THSD7B: variants seen among roughly 807,000 people sequenced by gnomAD.
THSD7B encodes thrombospondin type 1 domain containing 7B.
In THSD7B, 138 loss-of-function variants were observed where a neutral mutation model predicts 213.6. The observed-to-expected ratio is 0.65, with a 90% CI of 0.56 to 0.74. The LOEUF (loss-of-function observed/expected upper bound fraction) is 0.74. Among genes scored for constraint, THSD7B ranks in the 30% least tolerant of loss-of-function variants. THSD7B has a pLI of 0.00. For synonymous variants in THSD7B, 742 were observed against 687.0 expected, an observed-to-expected ratio of 1.08 and a Z score of -1.25; for missense variants, 1,931 against 1,991.5, an observed-to-expected ratio of 0.97 and a Z score of 0.58.
At chr2:137,609,212 T>C (rs1319714669) in intron 17 of THSD7B, among the ~76,000 whole-genome samples, 1 of 151,970 alleles carries the variant, frequency 6.6e-6, no homozygotes, top group Non-Finnish European at 1.5e-5. Flanking sequence ...CCCATGAGCC[T>C]ATTAGGGGAA....
chr2:137,179,468 G>A (rs1015469850), intron 7 of THSD7B, among the ~76,000 whole-genome samples: 7 of 151,840 alleles, frequency 4.6e-5, no homozygotes, highest in African/African-American at 1.5e-4. Context: ...TTATGACAGA[G>A]TAATTTATAC....
At chr2:137,090,170 A>G (rs1223677253) in intron 3 of THSD7B, among the ~76,000 whole-genome samples, 1 of 152,084 alleles carries the variant, frequency 6.6e-6, no homozygotes, top group African/African-American at 2.4e-5. Flanking sequence ...TATACATATG[A>G]AAGTATAAAA....
intron 1 of THSD7B, among the ~76,000 whole-genome samples, chr2:136,871,421 CA>C (rs1236454382): frequency 2.6e-5 from 4 of 151,948 alleles, no homozygotes; most frequent in Non-Finnish European, 5.9e-5. Flanking sequence ...AAAGACATAC[CA>C]GAAATGGAGG....
intron 12 of THSD7B, among the ~76,000 whole-genome samples, chr2:137,288,609 G>A (rs907604725): frequency 6.6e-6 from 1 of 151,978 alleles, no homozygotes; most frequent in Non-Finnish European, 1.5e-5. Context: ...CTAACTTTAT[G>A]TACAGAGCAC....
intron 20 of THSD7B, among the ~76,000 whole-genome samples, chr2:137,622,482 G>A (rs1278048926): frequency 1.3e-5 from 2 of 152,170 alleles, no homozygotes; most frequent in African/African-American, 4.8e-5. Context: ...GATCAGAGCA[G>A]AAGTGAAGGA....
chr2:137,021,410 A>G (rs2104843630), intron 2 of THSD7B, among the ~76,000 whole-genome samples: 1 of 152,322 alleles, frequency 6.6e-6, no homozygotes, highest in East Asian at 1.9e-4. Context: ...CCATTACCTG[A>G]ACAGTGTGCA....
intron 15 of THSD7B, among the ~76,000 whole-genome samples, chr2:137,519,552 T>G (rs1680140201): frequency 6.6e-6 from 1 of 152,192 alleles, no homozygotes; most frequent in African/African-American, 2.4e-5. Context: ...CACTTCTTAC[T>G]GGTTTTCATT....
rs1296055237 is a variant in THSD7B, at chr2:136,890,421, CT to C, written c.139+8106del. Among the ~76,000 whole-genome samples, 22 of 2,596 alleles carry C rather than the reference CT, an allele frequency of 8.5e-3. 1 individual carries two copies. The highest frequency in any genetic ancestry group is 0.25 in the East Asian group (2 of 8). 1.7% of individuals were successfully genotyped at this position (2,596 alleles called of 152,430 possible). A position where few individuals can be genotyped will look rare whatever the true frequency, so the allele number is the denominator to read the frequency against. ...TCTTCCTCTTCCTCTTCTTCTTCTT[CT>C]TCTTCTTCTTCTTCTTCTTCTTCTT... On this transcript the variant is annotated intron_variant, in intron 2 of 27. Transcript: ENST00000409968.
At chr2:137,657,680 G>A (rs1215509510) in intron 24 of THSD7B, among the ~76,000 whole-genome samples, 3 of 152,214 alleles carry the variant, frequency 2.0e-5, no homozygotes, top group African/African-American at 4.8e-5. Context: ...AATATTTTGT[G>A]AGTCATGATT....
In THSD7B at chr2:136,913,287, G is replaced by A. The variant is rs183302833; in HGVS notation, c.139+30970G>A. On this transcript the variant is annotated intron_variant, in intron 2 of 27. Coordinates refer to ENST00000409968, the MANE Select transcript of THSD7B (RefSeq NM_001316349.2). ...TTTGTAAGGAACAAAGCATTCAAGAGGTGACTTGGGTACTGTTAAAGACAT... is the reference window on the plus strand; with the variant it reads ...TTTGTAAGGAACAAAGCATTCAAGAAGTGACTTGGGTACTGTTAAAGACAT... 1.5e-3 allele frequency among the ~76,000 whole-genome samples: 234 copies of A among 152,316 alleles called. 3 individuals are homozygous for A. The highest frequency in any genetic ancestry group is 3.4e-3 in the Middle Eastern group (1 of 294).
chr2:137,034,847 C>T (rs1052591969), intron 2 of THSD7B, among the ~76,000 whole-genome samples: 14 of 152,082 alleles, frequency 9.2e-5, no homozygotes, highest in Admixed American at 5.9e-4. Context: ...AATTGATGGG[C>T]GTTTGGGTTG....
At chr2:137,463,860 T>C (rs775693166) in intron 15 of THSD7B, among the ~76,000 whole-genome samples, 11 of 152,084 alleles carry the variant, frequency 7.2e-5, no homozygotes, top group Non-Finnish European at 1.3e-4. Context: ...TTTTGCACTT[T>C]ATGTCAAAAA....
chr2:137,614,751 C>G (rs1682351825), intron 17 of THSD7B, among the ~76,000 whole-genome samples: 5 of 152,034 alleles, frequency 3.3e-5, no homozygotes, highest in Admixed American at 3.3e-4. Flanking sequence ...GATCCAAGTA[C>G]AAAATCACAT....
At chr2:137,626,542 G>T (rs1177479699) in intron 20 of THSD7B, among the ~76,000 whole-genome samples, 2 of 151,546 alleles carry the variant, frequency 1.3e-5, no homozygotes, top group African/African-American at 4.9e-5. Flanking sequence ...TTACCACCTG[G>T]CTCTCTTTTA....
chr2:137,599,558 C>G (rs1682035749), intron 17 of THSD7B, among the ~76,000 whole-genome samples: 1 of 151,368 alleles, frequency 6.6e-6, no homozygotes, highest in African/African-American at 2.4e-5. Flanking sequence ...CTAGTTCAAC[C>G]ATTGTGGAAG....
chr2:136,903,184 T>C (rs1684091005), intron 2 of THSD7B, among the ~76,000 whole-genome samples: 1 of 152,120 alleles, frequency 6.6e-6, no homozygotes, highest in Non-Finnish European at 1.5e-5. Context: ...AATATGAAAT[T>C]AGATAATATA....
At chr2:137,477,654 C>T (rs1433663835) in intron 15 of THSD7B, among the ~76,000 whole-genome samples, 1 of 151,600 alleles carries the variant, frequency 6.6e-6, no homozygotes, top group Non-Finnish European at 1.5e-5. Flanking sequence ...ATAGTGATAA[C>T]ATTTGAGTTC....
At chr2:137,040,521 G>A (rs1360194327) in intron 2 of THSD7B, among the ~76,000 whole-genome samples, 2 of 151,804 alleles carry the variant, frequency 1.3e-5, no homozygotes, top group African/African-American at 2.4e-5. Flanking sequence ...AGCCTCCCGA[G>A]TAGCTGGGAT....
intron 2 of THSD7B, among the ~76,000 whole-genome samples, chr2:136,927,169 C>A (rs772003724): frequency 5.3e-5 from 8 of 151,316 alleles, no homozygotes; most frequent in Non-Finnish European, 8.8e-5. Flanking sequence ...AAGTGCATTT[C>A]TCTTCTTGCC....
Sources: allele counts gnomAD v4.1 joint callset (sites outside exome capture counted in the v4.1 genomes callset), GRCh38; gene constraint gnomAD v4.1.1; transcripts MANE v1.5; gene names NCBI Gene and HGNC (gene_info 2026-07-23, HGNC 2026-07-21).